Variants in RBFOX3 observed in about 807,000 individuals in gnomAD.
RBFOX3 encodes the protein RNA binding protein fox-1 homolog 3.
Under a neutral mutation model 48.7 loss-of-function variants are expected in RBFOX3, and 17 were observed. The ratio of observed to expected loss-of-function variants is 0.35; its 90% CI spans 0.24 to 0.52. The LOEUF is 0.52. RBFOX3 is among the 20% of genes least tolerant of loss of function. The pLI is 0.94. For missense variants in RBFOX3, 382 were observed against 497.5 expected (o/e 0.77, Z 2.21); for synonymous variants, 212 against 209.5 (o/e 1.01, Z -0.10).
chr17:79,476,126 A>G (rs1484140929), intron 2 of RBFOX3, among the ~76,000 whole-genome samples: 1 of 152,174 alleles, frequency 6.6e-6, no homozygotes, highest in African/African-American at 2.4e-5. Context: ...TCCTTGGATT[A>G]TTTCCATCTG....
At chr17:79,121,594 G>A (rs1231477263) in intron 4 of RBFOX3, among the ~76,000 whole-genome samples, 1 of 152,144 alleles carries the variant, frequency 6.6e-6, no homozygotes, top group Non-Finnish European at 1.5e-5. Context: ...TGACTGATGT[G>A]TCCAGTCCTT....
chr17:79,232,371 A>C (rs1600138022), intron 4 of RBFOX3, among the ~76,000 whole-genome samples: 1 of 152,366 alleles, frequency 6.6e-6, no homozygotes, highest in East Asian at 1.9e-4. Flanking sequence ...ACCTGGTTTC[A>C]AGACTTACTA....
intron 4 of RBFOX3, among the ~76,000 whole-genome samples, chr17:79,213,180 A>G (rs1182939310): frequency 1.3e-5 from 2 of 152,166 alleles, no homozygotes; most frequent in Non-Finnish European, 2.9e-5. Context: ...TTTAATGACA[A>G]TGAAAAAGAG....
chr17:79,650,691 G>A, the RBFOX3 span, among the ~76,000 whole-genome samples: 4 of 151,854 alleles, frequency 2.6e-5, no homozygotes, highest in African/African-American at 9.7e-5. Context: ...ATGCACTTCT[G>A]GAGAGACTAA....
In RBFOX3 at chr17:79,471,166, T is replaced by A. The variant is rs2077012670; in HGVS notation, c.-175+11288A>T. The stretch of plus-strand genomic sequence containing the variant: ...ATGCAGAATGGAGGTGAGTCCTGGG[T>A]CCCCAGCACCCCTCCTGCTGGAAGA... On this transcript the variant is annotated intron_variant, in intron 2 of 14. Coordinates refer to ENST00000693108, the MANE Select transcript of RBFOX3 (RefSeq NM_001350451.2). The surrounding 1 kb of genome is among the most constrained non-coding windows in gnomAD (Gnocchi z 4.0). Among the ~76,000 whole-genome samples the A allele has an allele frequency of 6.6e-6, 1 of 152,090 alleles. No individual in the cohort carries two copies. The highest frequency in any genetic ancestry group is 2.4e-5 in the African/African-American group (1 of 41,412).
At position 79,089,410 on chromosome 17, in the gene RBFOX3, C is replaced by T. The variant is rs932912202; in HGVS notation, c.*1473G>A. The T allele has an allele frequency of 3.9e-5, 6 of 152,622 alleles. No individual in the cohort carries two copies. The highest frequency in any genetic ancestry group is 1.4e-4 in the African/African-American group (6 of 41,436). 9.5% of individuals were successfully genotyped at this position (152,622 alleles called of 1,614,324 possible). ...AATACTGTTAGTTTGAATGGTCACA[C>T]CTTGGAAGCATACAGAATGGTAAGA... On this transcript the variant is annotated 3_prime_UTR_variant, in exon 15 of 15. Transcript: ENST00000693108.
chr17:79,466,327 G>A (rs915833600), intron 2 of RBFOX3, among the ~76,000 whole-genome samples: 5 of 152,332 alleles, frequency 3.3e-5, no homozygotes, highest in Non-Finnish European at 7.3e-5. Context: ...GGGGCGGGGG[G>A]CGAGCACAGG....
Position 79,481,298 on chromosome 17 carries a change from G to A in RBFOX3, c.-175+1156C>T, listed in dbSNP as rs2078745648. Among the ~76,000 whole-genome samples the A allele has an allele frequency of 6.6e-6, 1 of 152,162 alleles. No homozygotes were observed. The highest frequency in any genetic ancestry group is 1.9e-4 in the East Asian group (1 of 5,190). On this transcript the variant is annotated intron_variant, in intron 2 of 14. Coordinates refer to ENST00000693108, the MANE Select transcript of RBFOX3 (RefSeq NM_001350451.2). This position sits in a 1 kb window ranked among gnomAD's most constrained non-coding sequence, Gnocchi z 5.4. ...TTCAGGGCTCCAGTCCTCCCTGCCT[G>A]GGGGTCGCTGACCCACAGCTTTGCA...
chr17:79,410,857 C>G (rs1254401184), intron 2 of RBFOX3, among the ~76,000 whole-genome samples: 1 of 152,148 alleles, frequency 6.6e-6, no homozygotes, highest in Non-Finnish European at 1.5e-5. Flanking sequence ...GAAGGCAAGG[C>G]CCCGCCATAC....
chr17:79,233,786 T>C (rs2061317696), intron 4 of RBFOX3: 1 of 152,214 alleles, frequency 6.6e-6, no homozygotes, highest in Non-Finnish European at 1.5e-5. Flanking sequence ...TTTGTATTTT[T>C]AGTAGAGACG....
At chr17:79,296,036 G>T (rs2074278667) in intron 3 of RBFOX3, among the ~76,000 whole-genome samples, 1 of 152,016 alleles carries the variant, frequency 6.6e-6, no homozygotes. Context: ...GGCTGGGCTT[G>T]GGGGAGGGGT....
At chr17:79,388,347 C>T (rs1474856684) in intron 2 of RBFOX3, among the ~76,000 whole-genome samples, 3 of 152,122 alleles carry the variant, frequency 2.0e-5, no homozygotes, top group Admixed American at 6.5e-5. Context: ...CACGGCTGAA[C>T]GAGGATGCAG....
In RBFOX3 at chr17:79,438,404, T is replaced by C. The variant is rs111460713; in HGVS notation, c.-175+44050A>G. Among the ~76,000 whole-genome samples the C allele has an allele frequency of 3.7e-3, 567 of 152,362 alleles. 3 individuals are homozygous for C. Among genetic ancestry groups the C allele is most frequent in the African/African-American group, 0.013 (531 of 41,584 alleles). On this transcript the variant is annotated intron_variant, in intron 2 of 14. Transcript: ENST00000693108. The stretch of plus-strand genomic sequence containing the variant: ...TCAAGGAGGATCTGTAAGCTACTCT[T>C]TTCCCTCCTCTCCAAGATCAAATGA...
intron 4 of RBFOX3, among the ~76,000 whole-genome samples, chr17:79,132,076 T>C (rs1456744672): frequency 6.6e-6 from 1 of 152,096 alleles, no homozygotes; most frequent in Admixed American, 6.5e-5. Context: ...GTCTGGCTGA[T>C]GGGGCTTGGT....
chr17:79,301,090 C>T (rs2075242301), intron 3 of RBFOX3, among the ~76,000 whole-genome samples: 3 of 152,238 alleles, frequency 2.0e-5, no homozygotes. Context: ...GCAGTTTTAA[C>T]ATACGTAGGC....
chr17:79,536,881 C>T (rs538235855), intron 1 of RBFOX3, among the ~76,000 whole-genome samples: 3 of 152,200 alleles, frequency 2.0e-5, no homozygotes, highest in East Asian at 3.9e-4. Context: ...GTCAGGAGAT[C>T]GAGACCATCC....
chr17:79,388,108 A>G (rs987434753), intron 2 of RBFOX3, among the ~76,000 whole-genome samples: 2 of 152,046 alleles, frequency 1.3e-5, no homozygotes, highest in Non-Finnish European at 2.9e-5. Flanking sequence ...GTGGACATGT[A>G]TATGTGCATG....
chr17:79,106,130 G>A (rs1234288690), intron 6 of RBFOX3, among the ~76,000 whole-genome samples: 1 of 152,128 alleles, frequency 6.6e-6, no homozygotes, highest in African/African-American at 2.4e-5. Context: ...TCCCCACCTG[G>A]GGGCCCGGGG....
At chr17:79,280,574 G>A (rs1021738063) in intron 3 of RBFOX3, among the ~76,000 whole-genome samples, 1 of 152,226 alleles carries the variant, frequency 6.6e-6, no homozygotes, top group Non-Finnish European at 1.5e-5. Flanking sequence ...TTCGGAGTGA[G>A]CTCAGGTTCC....
Sources: gnomAD v4.1 joint callset for allele counts (sites outside exome capture counted in the v4.1 genomes callset) on GRCh38, gnomAD v4.1.1 for gene constraint, Gnocchi (gnomAD v3.1) non-coding constraint, MANE v1.5 for transcripts, NCBI Gene and HGNC (gene_info 2026-07-23, HGNC 2026-07-21) for gene names.